Variants in ANO2 observed in about 807,000 individuals in gnomAD.
ANO2 encodes the protein anoctamin 2, also known as anoctamin-2.
In ANO2, 101 loss-of-function variants were observed where a neutral mutation model predicts 124.2. The observed-to-expected ratio is 0.81, with a 90% CI of 0.69 to 0.96. The LOEUF (loss-of-function observed/expected upper bound fraction) is 0.96. Among genes scored for constraint, ANO2 ranks in the 40% least tolerant of loss-of-function variants. The pLI, the probability that ANO2 is intolerant of heterozygous loss-of-function variation, is 0.00. For synonymous variants in ANO2, 486 were observed against 482.5 expected, an observed-to-expected ratio of 1.01 and a Z score of -0.09; for missense variants, 1,293 against 1,274.5, an observed-to-expected ratio of 1.01 and a Z score of -0.22.
At chr12:5,569,960 G>C (rs1015685102) in intron 23 of ANO2, among the ~76,000 whole-genome samples, 4 of 152,026 alleles carry the variant, frequency 2.6e-5, no homozygotes, top group African/African-American at 9.7e-5. Flanking sequence ...GTTCAAAATG[G>C]TAAAAGATGA....
chr12:5,654,916 A>C (rs1252210850), intron 14 of ANO2, among the ~76,000 whole-genome samples: 1 of 152,168 alleles, frequency 6.6e-6, no homozygotes, highest in Non-Finnish European at 1.5e-5. Flanking sequence ...CAATAAGATA[A>C]GGGATCCTGA....
chr12:5,932,195 A>T (rs562090146), intron 1 of ANO2, among the ~76,000 whole-genome samples: 19 of 150,718 alleles, frequency 1.3e-4, no homozygotes, highest in Non-Finnish European at 2.2e-4. Context: ...AAAGGAAGGA[A>T]GACTGGTAAG....
chr12:5,876,640 C>CTTTTT (rs1328228087), intron 3 of ANO2, among the ~76,000 whole-genome samples: 5 of 152,188 alleles, frequency 3.3e-5, no homozygotes, highest in African/African-American at 1.2e-4. Flanking sequence ...CCATGGAACA[C>CTTTTT]TATGCAGCCA....
At chr12:5,737,577 C>T (rs1950924156) in intron 13 of ANO2, among the ~76,000 whole-genome samples, 1 of 152,216 alleles carries the variant, frequency 6.6e-6, no homozygotes, top group South Asian at 2.1e-4. Context: ...TGGCCCCACA[C>T]AGGCTTGGAG....
intron 7 of ANO2, among the ~76,000 whole-genome samples, chr12:5,810,482 A>T (rs1200237145): frequency 6.6e-6 from 1 of 152,174 alleles, no homozygotes; most frequent in African/African-American, 2.4e-5. Context: ...TGCGCCATCC[A>T]TCTGGCCATA....
intron 14 of ANO2, among the ~76,000 whole-genome samples, chr12:5,724,173 T>C (rs1950343119): frequency 6.6e-6 from 1 of 152,044 alleles, no homozygotes; most frequent in Admixed American, 6.5e-5. Context: ...CAGGCTCACA[T>C]CTCACCTCAG....
At chr12:5,709,880 GA>G (rs1307715997) in intron 14 of ANO2, among the ~76,000 whole-genome samples, 3 of 152,200 alleles carry the variant, frequency 2.0e-5, no homozygotes, top group Admixed American at 1.3e-4. Flanking sequence ...TAGGCGCTGG[GA>G]GATGGCCCAG....
intron 20 of ANO2, among the ~76,000 whole-genome samples, chr12:5,596,237 T>C (rs1334199603): frequency 6.6e-6 from 1 of 152,222 alleles, no homozygotes; most frequent in South Asian, 2.1e-4. Context: ...AAGCCTTCAC[T>C]GGAAGATAGG....
chr12:5,914,174 T>A (rs1445782851), intron 3 of ANO2, among the ~76,000 whole-genome samples: 1 of 149,804 alleles, frequency 6.7e-6, no homozygotes, highest in Non-Finnish European at 1.5e-5. Flanking sequence ...CACTCCAGCC[T>A]AGGTGACAGA....
chr12:5,724,495 G>T (rs529288148), intron 14 of ANO2, among the ~76,000 whole-genome samples: 6 of 152,232 alleles, frequency 3.9e-5, no homozygotes, highest in African/African-American at 1.4e-4. Context: ...CCACCCACGC[G>T]CATGCTCCAA....
At chr12:5,728,725 C>A (rs944975249) in intron 14 of ANO2, among the ~76,000 whole-genome samples, 7 of 151,878 alleles carry the variant, frequency 4.6e-5, no homozygotes, top group Admixed American at 2.0e-4. Context: ...GGACTCATAC[C>A]CCCAATTTCA....
intron 14 of ANO2, among the ~76,000 whole-genome samples, chr12:5,720,847 G>A (rs1395041246): frequency 6.6e-6 from 1 of 152,204 alleles, no homozygotes; most frequent in African/African-American, 2.4e-5. Flanking sequence ...ACCCTGGCCA[G>A]TAGAAATGTA....
chr12:5,631,360 C>T (rs1945710136), intron 16 of ANO2, among the ~76,000 whole-genome samples: 1 of 152,216 alleles, frequency 6.6e-6, no homozygotes, highest in South Asian at 2.1e-4. Context: ...TATAAAGCTA[C>T]CACCTTGAAA....
At chr12:5,672,861 ACTTT>A (rs1323844899) in intron 14 of ANO2, among the ~76,000 whole-genome samples, 1 of 152,168 alleles carries the variant, frequency 6.6e-6, no homozygotes, top group East Asian at 1.9e-4. Flanking sequence ...TGCCAACACG[ACTTT>A]CTTTTTGTTT....
intron 3 of ANO2, among the ~76,000 whole-genome samples, chr12:5,902,206 G>T (rs758736661): frequency 2.6e-5 from 4 of 152,060 alleles, no homozygotes; most frequent in Non-Finnish European, 4.4e-5. Flanking sequence ...GACCAATTAG[G>T]TTGCTTATTC....
intron 10 of ANO2, among the ~76,000 whole-genome samples, chr12:5,754,668 G>A (rs978151619): frequency 6.6e-6 from 1 of 151,966 alleles, no homozygotes; most frequent in African/African-American, 2.4e-5. Context: ...ATTCAATCTT[G>A]TTGATTATAT....
In ANO2 at chr12:5,925,346, G is replaced by A. The variant is rs944270528; in HGVS notation, c.23-2542C>T. The stretch of plus-strand genomic sequence containing the variant: ...ACATTCAGGGCCCTCACTAGCCATC[G>A]CAGTTGCTCCCCCGGCTCGCTCTCT... On this transcript the variant is annotated intron_variant, in intron 1 of 24. Transcript: ENST00000682330. This position sits in a 1 kb window ranked among gnomAD's most constrained non-coding sequence, Gnocchi z 4.6. Among the ~76,000 whole-genome samples the A allele has an allele frequency of 3.3e-5, 5 of 152,166 alleles. No individual in the cohort carries two copies. Among genetic ancestry groups the A allele is most frequent in the Non-Finnish European group, 5.9e-5 (4 of 68,032 alleles).
At chr12:5,565,911 T>C (rs552211115) in intron 23 of ANO2, among the ~76,000 whole-genome samples, 2 of 152,168 alleles carry the variant, frequency 1.3e-5, no homozygotes, top group South Asian at 2.1e-4. Context: ...CCCTCTCCAA[T>C]AGCTCCCAAA....
chr12:5,913,124 G>C (rs576174126), intron 3 of ANO2, among the ~76,000 whole-genome samples: 2 of 152,270 alleles, frequency 1.3e-5, no homozygotes, highest in East Asian at 3.9e-4. Context: ...GGAGCAACGG[G>C]CAGGAAGGCC....
Sources: gnomAD v4.1 joint callset for allele counts (sites outside exome capture counted in the v4.1 genomes callset) on GRCh38, gnomAD v4.1.1 for gene constraint, Gnocchi (gnomAD v3.1) non-coding constraint, MANE v1.5 for transcripts, NCBI Gene and HGNC (gene_info 2026-07-23, HGNC 2026-07-21) for gene names.